The following ROBO2 variants were observed in gnomAD, a reference collection of about 807,000 sequenced individuals.
The protein encoded by ROBO2 is roundabout homolog 2.
A neutral mutation model predicts 160.8 loss-of-function variants in ROBO2; 53 were observed. The ratio of observed to expected loss-of-function variants is 0.33; its 90% CI spans 0.26 to 0.41. The LOEUF (loss-of-function observed/expected upper bound fraction) is 0.41. Ranked by LOEUF, ROBO2 falls within the 10% of genes least tolerant of loss-of-function variation. The probability of loss-of-function intolerance (pLI) is 1.00; values close to 1 mark genes in which losing one functional copy is unlikely to be tolerated. For synonymous variants in ROBO2, 664 were observed against 611.7 expected (o/e 1.09, Z -1.26); for missense variants, 1,577 against 1,722.4 (o/e 0.92, Z 1.49).
intron 2 of ROBO2, among the ~76,000 whole-genome samples, chr3:76,568,457 C>A (rs1167257518): frequency 1.2e-5 from 1 of 80,946 alleles, no homozygotes; most frequent in Non-Finnish European, 2.5e-5. Flanking sequence ...CCACCACGCC[C>A]AGATAATTTT....
intron 2 of ROBO2, among the ~76,000 whole-genome samples, chr3:77,383,267 T>C (rs1248584201): frequency 1.3e-5 from 2 of 152,110 alleles, no homozygotes; most frequent in East Asian, 3.8e-4. Context: ...AATTGTGCTT[T>C]AACTCAAAAG....
intron 2 of ROBO2, among the ~76,000 whole-genome samples, chr3:76,206,744 C>T (rs1702832267): frequency 6.6e-6 from 1 of 152,162 alleles, no homozygotes; most frequent in South Asian, 2.1e-4. Flanking sequence ...ATCTCTCTGA[C>T]CCTCACCTTT....
intron 22 of ROBO2, among the ~76,000 whole-genome samples, 169 bp from the exon 24 acceptor site, chr3:77,622,058 G>A (rs2094913125): frequency 6.6e-6 from 1 of 151,980 alleles, no homozygotes; most frequent in Admixed American, 6.6e-5. Flanking sequence ...GTTTGGTGAG[G>A]CTCGTATTCG....
At chr3:76,173,051 A>T (rs1326563303) in intron 2 of ROBO2, among the ~76,000 whole-genome samples, 1 of 151,982 alleles carries the variant, frequency 6.6e-6, no homozygotes, top group African/African-American at 2.4e-5. Flanking sequence ...ATCAGAGGAA[A>T]TATGACCACA....
chr3:76,848,002 G>A (rs1378960417), intron 2 of ROBO2, among the ~76,000 whole-genome samples: 1 of 151,894 alleles, frequency 6.6e-6, no homozygotes, highest in Non-Finnish European at 1.5e-5. Context: ...AGAAAAAAAT[G>A]TTTAATTGCA....
At chr3:77,135,769 C>T (rs2076229254) in intron 2 of ROBO2, among the ~76,000 whole-genome samples, 1 of 152,118 alleles carries the variant, frequency 6.6e-6, no homozygotes, top group Non-Finnish European at 1.5e-5. Flanking sequence ...TTCTCACTCA[C>T]CTGAAGAATC....
chr3:76,137,390 A>C (rs1317585147), intron 2 of ROBO2, among the ~76,000 whole-genome samples: 10 of 152,038 alleles, frequency 6.6e-5, no homozygotes, highest in Admixed American at 4.6e-4. Flanking sequence ...GCCTGATGTT[A>C]ACATTGTTCT....
chr3:76,595,855 T>C (rs1027380403), intron 2 of ROBO2, among the ~76,000 whole-genome samples: 2 of 152,050 alleles, frequency 1.3e-5, no homozygotes, highest in Non-Finnish European at 2.9e-5. Context: ...GACAATCCAC[T>C]TGAAATTCAG....
chr3:77,470,766 G>A (rs988778466), intron 2 of ROBO2, among the ~76,000 whole-genome samples: 1 of 152,126 alleles, frequency 6.6e-6, no homozygotes, highest in Non-Finnish European at 1.5e-5. Flanking sequence ...TACTGAAACT[G>A]TATTCATAAA....
At chr3:76,237,542 C>T (rs968192098) in intron 2 of ROBO2, among the ~76,000 whole-genome samples, 1 of 152,068 alleles carries the variant, frequency 6.6e-6, no homozygotes, top group African/African-American at 2.4e-5. Context: ...TTGAGACTTC[C>T]TGACTGTTCA....
At chr3:76,120,190 C>T (rs112530538) in intron 2 of ROBO2, among the ~76,000 whole-genome samples, 8,390 of 151,840 alleles carry the variant, frequency 0.055, 488 homozygotes, top group East Asian at 0.13. Flanking sequence ...TTAGTAGAGA[C>T]GGAATTTTGC....
At chr3:76,246,355 C>T (rs562508397) in intron 2 of ROBO2, among the ~76,000 whole-genome samples, 10 of 152,030 alleles carry the variant, frequency 6.6e-5, no homozygotes, top group African/African-American at 1.7e-4. Flanking sequence ...AATTTGAGGA[C>T]GTAAGTCTAC....
intron 2 of ROBO2, among the ~76,000 whole-genome samples, chr3:77,013,877 C>T (rs960699561): frequency 6.6e-6 from 1 of 152,204 alleles, no homozygotes; most frequent in African/African-American, 2.4e-5. Flanking sequence ...TCCATGTTAA[C>T]TTCCTTTTAG....
chr3:76,837,655 G>A (rs1192759947), intron 2 of ROBO2, among the ~76,000 whole-genome samples: 11 of 151,186 alleles, frequency 7.3e-5, no homozygotes, highest in Admixed American at 4.6e-4. Flanking sequence ...TATTAATATC[G>A]TTGTTGTTGT....
chr3:76,685,916 A>T (rs544393405), intron 2 of ROBO2, among the ~76,000 whole-genome samples: 2 of 152,262 alleles, frequency 1.3e-5, no homozygotes, highest in African/African-American at 4.8e-5. Context: ...CATCCTTTCT[A>T]TGTATCCTTT....
intron 1 of ROBO2, among the ~76,000 whole-genome samples, chr3:77,074,988 G>A (rs899188685): frequency 4.6e-5 from 7 of 152,024 alleles, no homozygotes; most frequent in Non-Finnish European, 7.4e-5. Context: ...TATATTTGTC[G>A]TATTACTTAA....
chr3:77,046,875 C>T (rs1169056218), intron 1 of ROBO2, among the ~76,000 whole-genome samples: 1 of 152,106 alleles, frequency 6.6e-6, no homozygotes, highest in Non-Finnish European at 1.5e-5. Flanking sequence ...GAAAATATTC[C>T]CACATTCAAG....
chr3:76,227,921 G>T (rs759344643), intron 2 of ROBO2, among the ~76,000 whole-genome samples: 6 of 152,218 alleles, frequency 3.9e-5, no homozygotes, highest in Non-Finnish European at 7.4e-5. Context: ...ACTGGTTTTA[G>T]ATTTCGTTTA....
chr3:76,826,131 G>A (rs2066570853), intron 2 of ROBO2, among the ~76,000 whole-genome samples: 2 of 149,566 alleles, frequency 1.3e-5, no homozygotes, highest in Admixed American at 6.7e-5. Context: ...ACTAATTTTT[G>A]TATGCAGAGT....
Sources: allele counts gnomAD v4.1 joint callset (sites outside exome capture counted in the v4.1 genomes callset), GRCh38; gene constraint gnomAD v4.1.1; transcripts MANE v1.5; gene names NCBI Gene and HGNC (gene_info 2026-07-23, HGNC 2026-07-21).